The following PARD3 variants were observed in gnomAD, a reference collection of about 807,000 sequenced individuals.
PARD3 encodes the protein par-3 family cell polarity regulator, also known as partitioning defective 3 homolog.
Under a neutral mutation model 155.4 loss-of-function variants are expected in PARD3, and 75 were observed. That is an observed-to-expected ratio of 0.48 (90% CI 0.40 to 0.58). The LOEUF (loss-of-function observed/expected upper bound fraction) is 0.58. Among genes scored for constraint, PARD3 ranks in the 20% least tolerant of loss-of-function variants. PARD3 has a pLI of 0.00. For synonymous variants in PARD3, 576 were observed against 610.5 expected, an observed-to-expected ratio of 0.94 and a Z score of 0.83; for missense variants, 1,642 against 1,721.7, an observed-to-expected ratio of 0.95 and a Z score of 0.82.
At chr10:34,690,051 C>A (rs925862235) in intron 2 of PARD3, among the ~76,000 whole-genome samples, 2 of 152,178 alleles carry the variant, frequency 1.3e-5, no homozygotes, top group Non-Finnish European at 2.9e-5. Flanking sequence ...TCAAGCAGTT[C>A]TCCTGCCTCA....
chr10:34,417,896 A>G (rs1845823936), intron 5 of PARD3, among the ~76,000 whole-genome samples: 1 of 152,202 alleles, frequency 6.6e-6, no homozygotes. Context: ...GTCTGGAGAA[A>G]GTAGCAAGAC....
In PARD3 at chr10:34,241,221, T is replaced by C. The variant is rs60917855; in HGVS notation, c.3419+28436A>G. Among the ~76,000 whole-genome samples the C allele has an allele frequency of 1.2e-4, 19 of 152,326 alleles. 1 individual carries two copies. The East Asian group carries it at 3.7e-3, about 29-fold the overall frequency. On this transcript the variant is annotated intron_variant, in intron 22 of 24. Transcript: ENST00000374788. ...GTAGACCATGCTAAAGAGGAAACTC[T>C]GAGCTGAGCCTGGATAACAGGAAGA...
At chr10:34,153,149 A>C (rs1948854165) in intron 22 of PARD3, among the ~76,000 whole-genome samples, 1 of 152,194 alleles carries the variant, frequency 6.6e-6, no homozygotes, top group Non-Finnish European at 1.5e-5. Flanking sequence ...ACCCTGGCTG[A>C]AGTACACTGA....
intron 22 of PARD3, among the ~76,000 whole-genome samples, chr10:34,180,732 A>G (rs1254490662): frequency 1.3e-5 from 2 of 152,146 alleles, no homozygotes; most frequent in East Asian, 3.9e-4. Flanking sequence ...AAATTTGTGG[A>G]AAATCTAAAT....
At chr10:34,293,356 T>G (rs1465792640) in intron 20 of PARD3, among the ~76,000 whole-genome samples, 1 of 152,140 alleles carries the variant, frequency 6.6e-6, no homozygotes, top group African/African-American at 2.4e-5. Context: ...TTTTTTCAAA[T>G]TATACCTACC....
rs1426859010 is a variant in PARD3 at position 34,603,886 on chromosome 10, A to G, written c.223-86727T>C. On this transcript the variant is annotated intron_variant, in intron 2 of 24. Transcript: ENST00000374788. ...GCAACCAAGGGCACAGTACACAGAGAAAACTGTCCGACACGCAGCCAATCC... is the reference window on the plus strand; with the variant it reads ...GCAACCAAGGGCACAGTACACAGAGGAAACTGTCCGACACGCAGCCAATCC... Among the ~76,000 whole-genome samples the G allele has an allele frequency of 3.3e-5, 5 of 152,192 alleles. No individual in the cohort carries two copies. The East Asian group carries it at 9.6e-4, about 29-fold the overall frequency.
At chr10:34,549,335 G>A (rs1322052548) in intron 2 of PARD3, among the ~76,000 whole-genome samples, 1 of 152,078 alleles carries the variant, frequency 6.6e-6, no homozygotes, top group Non-Finnish European at 1.5e-5. Flanking sequence ...AAATTTTGAT[G>A]GACCTCATAG....
At chr10:34,753,222 C>T (rs1564581752) in intron 1 of PARD3, among the ~76,000 whole-genome samples, 1 of 152,230 alleles carries the variant, frequency 6.6e-6, no homozygotes, top group Admixed American at 6.5e-5. Flanking sequence ...GGGGATGACA[C>T]TCTATCCCCA....
At chr10:34,791,650 A>C (rs1841634040) in intron 1 of PARD3, among the ~76,000 whole-genome samples, 1 of 152,152 alleles carries the variant, frequency 6.6e-6, no homozygotes, top group Non-Finnish European at 1.5e-5. Flanking sequence ...CCCAGCTGTG[A>C]CAATCGCCTG....
chr10:34,304,280 G>A (rs980716496), intron 20 of PARD3, among the ~76,000 whole-genome samples: 2 of 151,036 alleles, frequency 1.3e-5, no homozygotes, highest in Admixed American at 6.6e-5. Context: ...AGAATCACTC[G>A]AAGCCAGGAG....
chr10:34,602,691 G>A (rs2089896549), intron 2 of PARD3, among the ~76,000 whole-genome samples: 1 of 152,228 alleles, frequency 6.6e-6, no homozygotes, highest in Non-Finnish European at 1.5e-5. Flanking sequence ...ATGTACATAT[G>A]TATAATCTAT....
At chr10:34,331,400 T>A in intron 18 of PARD3, 56 bp from the exon 19 acceptor site, 1 of 1,136,494 alleles carries the variant, frequency 8.8e-7, no homozygotes, top group Non-Finnish European at 1.3e-6. Flanking sequence ...ATTATGTACC[T>A]GAATATGCAC....
intron 18 of PARD3, among the ~76,000 whole-genome samples, chr10:34,333,632 C>A (rs1202871792): frequency 6.6e-6 from 1 of 151,988 alleles, no homozygotes; most frequent in Non-Finnish European, 1.5e-5. Flanking sequence ...ACCTGTAACA[C>A]AGATCAGCAA....
At chr10:34,115,414 C>G (rs1034881799) in intron 24 of PARD3, among the ~76,000 whole-genome samples, 4 of 151,916 alleles carry the variant, frequency 2.6e-5, no homozygotes, top group African/African-American at 7.3e-5. Flanking sequence ...TGGGGGCTGC[C>G]TTTTGGATAT....
intron 3 of PARD3, among the ~76,000 whole-genome samples, chr10:34,472,545 T>C (rs1189646780): frequency 6.6e-6 from 1 of 152,202 alleles, no homozygotes; most frequent in East Asian, 1.9e-4. Context: ...TAGACAATGT[T>C]ATTACTTAGA....
intron 22 of PARD3, among the ~76,000 whole-genome samples, chr10:34,198,226 T>C (rs1300772019): frequency 6.6e-6 from 1 of 151,704 alleles, no homozygotes; most frequent in Non-Finnish European, 1.5e-5. Context: ...AGGAACCATA[T>C]TAAATTCAGG....
chr10:34,145,215 ATATATATT>A (rs1293242841), intron 22 of PARD3, among the ~76,000 whole-genome samples: 7 of 57,608 alleles, frequency 1.2e-4, no homozygotes, highest in African/African-American at 6.5e-4. Context: ...ATATATATAT[ATATATATT>A]TTTTTTTTTT....
chr10:34,261,229 T>G (rs1192742033), intron 22 of PARD3, among the ~76,000 whole-genome samples: 1 of 152,200 alleles, frequency 6.6e-6, no homozygotes, highest in Non-Finnish European at 1.5e-5. Context: ...CTACAGATTC[T>G]GGTCTCTGGA....
intron 22 of PARD3, among the ~76,000 whole-genome samples, chr10:34,165,846 G>C (rs1949504410): frequency 6.6e-6 from 1 of 152,162 alleles, no homozygotes; most frequent in Non-Finnish European, 1.5e-5. Flanking sequence ...TTTTCATGCA[G>C]TGAAATCTAC....
Sources: allele counts gnomAD v4.1 joint callset (sites outside exome capture counted in the v4.1 genomes callset), GRCh38; gene constraint gnomAD v4.1.1; transcripts MANE v1.5; gene names NCBI Gene and HGNC (gene_info 2026-07-23, HGNC 2026-07-21).